The following SLC14A2 variants were observed in gnomAD, a reference collection of about 807,000 sequenced individuals.
SLC14A2 encodes urea transporter 2.
Under a neutral mutation model 104.6 loss-of-function variants are expected in SLC14A2, and 91 were observed. The ratio of observed to expected loss-of-function variants is 0.87; its 90% CI spans 0.73 to 1.04. The LOEUF is 1.04. Among genes scored for constraint, SLC14A2 ranks in the 50% least tolerant of loss-of-function variants. The pLI is 0.00. For synonymous variants in SLC14A2, 476 were observed against 466.4 expected (o/e 1.02, Z -0.27); for missense variants, 1,189 against 1,156.0 (o/e 1.03, Z -0.41).
chr18:45,663,929 C>A (rs762901078), intron 11 of SLC14A2, 22 bp downstream of exon 11: 7 of 1,595,772 alleles, frequency 4.4e-6, no homozygotes, highest in South Asian at 3.4e-5. Flanking sequence ...CTCCCCCTCA[C>A]GCTTGGATCC....
At chr18:45,305,871 C>T (rs1254790357) in intron 1 of SLC14A2, among the ~76,000 whole-genome samples, 3 of 152,156 alleles carry the variant, frequency 2.0e-5, no homozygotes, top group African/African-American at 4.8e-5. Flanking sequence ...TTTCGATTTA[C>T]AATTTTATTA....
chr18:45,363,565 G>T (rs547691142), intron 1 of SLC14A2, among the ~76,000 whole-genome samples: 4 of 152,176 alleles, frequency 2.6e-5, no homozygotes, highest in African/African-American at 9.6e-5. Context: ...GCCTTAAATT[G>T]TCCCAGCTCA....
chr18:45,410,612 C>A (rs528622192), intron 1 of SLC14A2, among the ~76,000 whole-genome samples: 1 of 152,206 alleles, frequency 6.6e-6, no homozygotes, highest in South Asian at 2.1e-4. Flanking sequence ...AGGTGTATTT[C>A]TCTATATTAT....
At chr18:45,326,739 T>C (rs2085238422) in intron 1 of SLC14A2, among the ~76,000 whole-genome samples, 1 of 152,240 alleles carries the variant, frequency 6.6e-6, no homozygotes, top group South Asian at 2.1e-4. Flanking sequence ...CACGCCTCTT[T>C]CCTCATACAG....
intron 2 of SLC14A2, among the ~76,000 whole-genome samples, chr18:45,599,097 T>C: frequency 6.6e-6 from 1 of 152,232 alleles, no homozygotes; most frequent in South Asian, 2.1e-4. Context: ...CAAATAAATA[T>C]ATAAATATAA....
chr18:45,530,969 G>A (rs1280767815), intron 2 of SLC14A2, among the ~76,000 whole-genome samples: 8 of 151,514 alleles, frequency 5.3e-5, no homozygotes, highest in Admixed American at 1.3e-4. Context: ...TTGTCCTTGC[G>A]ATAGTTTGCT....
intron 3 of SLC14A2, 38 bp from the exon 4 acceptor site, chr18:45,626,920 G>C (rs1452769704): frequency 6.5e-7 from 1 of 1,543,962 alleles, no homozygotes; most frequent in African/African-American, 1.4e-5. Context: ...AGCAGCCCAA[G>C]CTGGACCTGC....
intron 1 of SLC14A2, among the ~76,000 whole-genome samples, chr18:45,465,628 G>GC (rs1157884314): frequency 6.6e-6 from 1 of 151,934 alleles, no homozygotes; most frequent in Non-Finnish European, 1.5e-5. Flanking sequence ...CTTCCTCAGG[G>GC]CCCTATCTCA....
chr18:45,233,763 C>A (rs62092154), intron 1 of SLC14A2, among the ~76,000 whole-genome samples: 1 of 118,350 alleles, frequency 8.4e-6, no homozygotes, highest in Admixed American at 9.0e-5. Context: ...CCCCCGCTTC[C>A]CCCGCCCCGA....
intron 1 of SLC14A2, among the ~76,000 whole-genome samples, chr18:45,464,006 G>C (rs961666617): frequency 3.3e-5 from 5 of 152,174 alleles, no homozygotes; most frequent in African/African-American, 1.2e-4. Flanking sequence ...AGACTGGTTG[G>C]AAGAACATAC....
chr18:45,474,477 G>A (rs1327416183), intron 1 of SLC14A2, among the ~76,000 whole-genome samples: 2 of 152,132 alleles, frequency 1.3e-5, no homozygotes, highest in Admixed American at 6.5e-5. Context: ...TGTACCTCTG[G>A]TATAATTTAG....
At chr18:45,468,241 A>G (rs983075057) in intron 1 of SLC14A2, among the ~76,000 whole-genome samples, 4 of 152,196 alleles carry the variant, frequency 2.6e-5, no homozygotes, top group Non-Finnish European at 5.9e-5. Context: ...GGCAAAGAGA[A>G]CAAAAGGAGG....
Position 45,626,984 on chromosome 18 carries a change from G to C in SLC14A2, c.358G>C (p.Asp120His), listed in dbSNP as rs769220365. Residue 120 changes from aspartate (D) to histidine (H), a missense_variant, in exon 4 of 20, where the codon GAC becomes CAC. Physicochemically the swap from Asp to His is moderately conservative, Grantham distance 81. Coordinates refer to ENST00000255226, the MANE Select transcript of SLC14A2 (RefSeq NM_007163.4). ...KDKHLALQFI[D>H]WVLRGTAQVM... is the part of the protein sequence containing the mutation. ...CAAGCACCTTGCCCTCCAGTTCATA[G>C]ACTGGGTCCTGAGAGGGACCGCTCA... is the stretch of plus-strand genomic sequence containing the variant. 22 of 1,612,202 alleles carry C rather than the reference G, an allele frequency of 1.4e-5. No homozygotes were observed. The highest frequency in any genetic ancestry group is 1.8e-5 in the Non-Finnish European group (21 of 1,179,876).
At chr18:45,462,712 CA>C (rs1212118195) in intron 1 of SLC14A2, among the ~76,000 whole-genome samples, 2 of 152,218 alleles carry the variant, frequency 1.3e-5, no homozygotes, top group Non-Finnish European at 2.9e-5. Flanking sequence ...GGCGGCTTGA[CA>C]CTTGAATCCC....
At chr18:45,604,155 C>G (rs1371589024) in intron 2 of SLC14A2, among the ~76,000 whole-genome samples, 1 of 152,122 alleles carries the variant, frequency 6.6e-6, no homozygotes, top group South Asian at 2.1e-4. Flanking sequence ...TGTCAATCCC[C>G]GTGGTTTATT....
chr18:45,264,910 G>T (rs759473777), intron 1 of SLC14A2, among the ~76,000 whole-genome samples: 17 of 152,130 alleles, frequency 1.1e-4, no homozygotes, highest in Non-Finnish European at 1.9e-4. Context: ...TGTTCTCTGT[G>T]CTGGCCATAT....
intron 1 of SLC14A2, among the ~76,000 whole-genome samples, chr18:45,228,605 C>A (rs2084142824): frequency 6.6e-6 from 1 of 152,124 alleles, no homozygotes; most frequent in Admixed American, 6.6e-5. Context: ...TGGACCTTCC[C>A]CCTTCTCTTC....
At chr18:45,459,578 A>G (rs2087005775) in intron 1 of SLC14A2, among the ~76,000 whole-genome samples, 1 of 152,196 alleles carries the variant, frequency 6.6e-6, no homozygotes, top group Non-Finnish European at 1.5e-5. Context: ...GAAGGTGAGC[A>G]GCTGGACTGA....
chr18:45,498,387 A>G (rs1263492240), intron 2 of SLC14A2, among the ~76,000 whole-genome samples: 1 of 152,200 alleles, frequency 6.6e-6, no homozygotes, highest in South Asian at 2.1e-4. Context: ...AAGGATGCAA[A>G]ACAGACAGGG....
Sources: gnomAD v4.1 joint callset for allele counts (sites outside exome capture counted in the v4.1 genomes callset) on GRCh38, gnomAD v4.1.1 for gene constraint, MANE v1.5 for transcripts, NCBI Gene and HGNC (gene_info 2026-07-23, HGNC 2026-07-21) for gene names.